KLK13: variants seen among roughly 807,000 people sequenced by gnomAD.
KLK13 encodes kallikrein-13.
KLK13 carries 19 observed loss-of-function variants against 22.4 expected under a neutral mutation model. That is an observed-to-expected ratio of 0.85 (90% CI 0.59 to 1.24). The LOEUF (loss-of-function observed/expected upper bound fraction) is 1.24. Ranked by LOEUF, KLK13 falls within the 50% of genes most tolerant of loss-of-function variation. The probability of loss-of-function intolerance (pLI) is 0.00; values close to 1 mark genes in which losing one functional copy is unlikely to be tolerated. For missense variants in KLK13, 311 were observed against 347.9 expected (o/e 0.89, Z 0.84); for synonymous variants, 156 against 141.8 (o/e 1.10, Z -0.71).
At chr19:51,064,205 C>T (rs977167753) in intron 1 of KLK13, among the ~76,000 whole-genome samples, 15 of 152,130 alleles carry the variant, frequency 9.9e-5, no homozygotes, top group Non-Finnish European at 1.6e-4. Flanking sequence ...AGACAGAATA[C>T]TAGAGGCCGG....
chr19:51,063,956 A>C, intron 1 of KLK13: 3 of 413,704 alleles, frequency 7.3e-6, no homozygotes, highest in Non-Finnish European at 1.5e-5. Context: ...GAGAGCAGGG[A>C]CTGTGTCTCT....
In KLK13 at chr19:51,058,538, C is replaced by T. The variant is rs766322062; in HGVS notation, c.645G>A (p.Glu215=). Residue 215 remains glutamate (E), a splice_region_variant and synonymous_variant, in exon 4 of 5, where the codon GAG becomes GAA. Coordinates refer to ENST00000595793, the MANE Select transcript of KLK13 (RefSeq NM_015596.3). ...GTKEGGKDSC[E]GDSGGPLVCN... ...GCACCCACCAGCCTCCCGGCCTCAC[C>T]TCACAGGAGTCTTTGCCACCCTCTT... 23 of 1,614,200 alleles carry T rather than the reference C, an allele frequency of 1.4e-5. No homozygotes were observed. Among genetic ancestry groups the T allele is most frequent in the Non-Finnish European group, 1.9e-5 (22 of 1,180,028 alleles).
chr19:51,056,937 A>T (rs1379506239), intron 4 of KLK13, among the ~76,000 whole-genome samples, 162 bp from the exon 5 acceptor site: 7 of 152,184 alleles, frequency 4.6e-5, no homozygotes, highest in Admixed American at 4.6e-4. Flanking sequence ...AGAGAAAGCA[A>T]TGAAGACAGT....
At chr19:51,060,222 C>G in intron 2 of KLK13, 129 bp from the exon 3 acceptor site, 1 of 1,184,302 alleles carries the variant, frequency 8.4e-7, no homozygotes, top group East Asian at 2.5e-5. Context: ...CCAAATACAT[C>G]TCCCCCATCC....
At chr19:51,057,150 C>T (rs1444171778) in intron 4 of KLK13, among the ~76,000 whole-genome samples, 1 of 145,316 alleles carries the variant, frequency 6.9e-6, no homozygotes, top group African/African-American at 2.5e-5. Flanking sequence ...CTGCCCCACA[C>T]CAGCTGACCC....
At chr19:51,064,829 C>A in intron 1 of KLK13, 187 bp downstream of exon 1, 1 of 614,222 alleles carries the variant, frequency 1.6e-6, no homozygotes, top group Non-Finnish European at 2.9e-6. Flanking sequence ...GTCGGAGGGC[C>A]AACCTCAGCC....
chr19:51,059,437 T>G (rs2091704868), intron 3 of KLK13, among the ~76,000 whole-genome samples: 1 of 145,988 alleles, frequency 6.8e-6, no homozygotes, highest in Admixed American at 6.9e-5. Context: ...TAAATATAGA[T>G]TATATATAAT....
At chr19:51,064,090 T>C (rs2091754662) in intron 1 of KLK13, among the ~76,000 whole-genome samples, 1 of 152,072 alleles carries the variant, frequency 6.6e-6, no homozygotes, top group Non-Finnish European at 1.5e-5. Context: ...GAAAGATCCA[T>C]AAGGATCTTA....
At chr19:51,064,214 G>A (rs140686732) in intron 1 of KLK13, among the ~76,000 whole-genome samples, 8 of 152,180 alleles carry the variant, frequency 5.3e-5, no homozygotes, top group African/African-American at 7.2e-5. Flanking sequence ...ACTAGAGGCC[G>A]GGCTCGGTGG....
intron 1 of KLK13, among the ~76,000 whole-genome samples, chr19:51,062,991 C>T (rs1461347511): frequency 1.3e-5 from 2 of 151,762 alleles, no homozygotes; most frequent in Non-Finnish European, 2.9e-5. Context: ...ATTTAAGTAA[C>T]GTTAAATCGC....
chr19:51,059,068 T>C (rs1455785244), intron 3 of KLK13, among the ~76,000 whole-genome samples: 5 of 150,410 alleles, frequency 3.3e-5, no homozygotes, highest in African/African-American at 1.2e-4. Flanking sequence ...TACGGGAGAG[T>C]TGGATAGAAT....
At chr19:51,062,728 C>T (rs957189099) in intron 1 of KLK13, among the ~76,000 whole-genome samples, 2 of 152,130 alleles carry the variant, frequency 1.3e-5, no homozygotes, top group African/African-American at 4.8e-5. Context: ...AGTAATAGTT[C>T]ATCTCTCATT....
At chr19:51,060,670 GC>G (rs1208941277) in intron 1 of KLK13, 51 bp from the exon 2 acceptor site, 3 of 1,427,324 alleles carry the variant, frequency 2.1e-6, no homozygotes, top group Non-Finnish European at 1.9e-6. Flanking sequence ...GGGCAGAGGA[GC>G]CCTGGGGTTG....
Position 51,059,060 on chromosome 19 carries a change from C to T in KLK13, c.509-386G>A, listed in dbSNP as rs543405846. Reference sequence around the variant, plus strand: ...GCAGGAACAGGGATGGGAAGAGTTACGGGAGAGTTGGATAGAATGGTAGGA... The same window carrying T: ...GCAGGAACAGGGATGGGAAGAGTTATGGGAGAGTTGGATAGAATGGTAGGA... On this transcript the variant is annotated intron_variant, in intron 3 of 4. Coordinates refer to ENST00000595793, the MANE Select transcript of KLK13 (RefSeq NM_015596.3). 4.6e-5 allele frequency among the ~76,000 whole-genome samples: 7 copies of T among 151,680 alleles called. No homozygotes were observed. The East Asian group carries it at 1.2e-3, about 25-fold the overall frequency.
chr19:51,062,468 G>T (rs2091739251), intron 1 of KLK13, among the ~76,000 whole-genome samples: 2 of 152,130 alleles, frequency 1.3e-5, no homozygotes, highest in African/African-American at 4.8e-5. Context: ...TTGACTGTAA[G>T]CTCCATTGAC....
At chr19:51,059,779 C>T (rs770987980) in intron 3 of KLK13, 46 bp downstream of exon 3, 2 of 1,453,100 alleles carry the variant, frequency 1.4e-6, no homozygotes, top group Non-Finnish European at 9.1e-7. Flanking sequence ...CCCCTGTTTC[C>T]CCAGCCACTC....
chr19:51,064,908 T>G, intron 1 of KLK13, 108 bp downstream of exon 1: 1 of 879,174 alleles, frequency 1.1e-6, no homozygotes, highest in Non-Finnish European at 1.7e-6. Context: ...CGGCCCCGAG[T>G]GGGCGGGGGG....
In KLK13 at chr19:51,058,577, CA is replaced by C. The variant is rs745370825; in HGVS notation, c.605del (p.Leu202CysfsTer72). 1 of 1,614,176 alleles carries C rather than the reference CA, an allele frequency of 6.2e-7. No individual in the cohort carries two copies. Among genetic ancestry groups the C allele is most frequent in the Non-Finnish European group, 8.5e-7 (1 of 1,180,032 alleles). ...TGCCACCCTCTTTTGTGCCGGCACA[CA>C]ACATGTTGTCAGTGATCTTTCCTGG... ...VYPGKITDNM[L>X]CAGTKEGGKD... On this transcript the variant is annotated frameshift_variant, in exon 4 of 5. Transcript: ENST00000595793. LOFTEE classifies it low-confidence loss of function (END_TRUNC).
chr19:51,064,977 C>G, intron 1 of KLK13, 39 bp downstream of exon 1: 1 of 1,541,306 alleles, frequency 6.5e-7, no homozygotes, highest in Non-Finnish European at 8.8e-7. Context: ...TACCATTGTC[C>G]CGAATGGCCG....
Sources: gnomAD v4.1 joint callset for allele counts (sites outside exome capture counted in the v4.1 genomes callset) on GRCh38, gnomAD v4.1.1 for gene constraint, MANE v1.5 for transcripts, NCBI Gene and HGNC (gene_info 2026-07-23, HGNC 2026-07-21) for gene names.